The following PFKFB4 variants were observed in gnomAD, a reference collection of about 807,000 sequenced individuals.
PFKFB4 encodes the protein 6-phosphofructo-2-kinase/fructose-2,6-biphosphatase 4, also known as 6-phosphofructo-2-kinase/fructose-2,6-bisphosphatase 4.
PFKFB4 carries 42 observed loss-of-function variants against 62.8 expected under a neutral mutation model. The ratio of observed to expected loss-of-function variants is 0.67; its 90% CI spans 0.52 to 0.86. PFKFB4 has a LOEUF of 0.86. Among genes scored for constraint, PFKFB4 ranks in the 40% least tolerant of loss-of-function variants. PFKFB4 has a pLI of 0.00. For synonymous variants in PFKFB4, 204 were observed against 240.7 expected (o/e 0.85, Z 1.41); for missense variants, 475 against 627.2 (o/e 0.76, Z 2.59).
At chr3:48,549,463 G>A (rs752872805) in intron 3 of PFKFB4, among the ~76,000 whole-genome samples, 7 of 152,042 alleles carry the variant, frequency 4.6e-5, no homozygotes, top group African/African-American at 1.7e-4. Context: ...CCCACGGGGC[G>A]CTGGGGTGAG....
At chr3:48,529,443 C>T (rs1464685093) in intron 9 of PFKFB4, among the ~76,000 whole-genome samples, 2 of 152,138 alleles carry the variant, frequency 1.3e-5, no homozygotes, top group African/African-American at 2.4e-5. Context: ...AATCCACAAG[C>T]ATCTTGGAAA....
chr3:48,561,329 G>C (rs2043431222), upstream of PFKFB4, among the ~76,000 whole-genome samples: 1 of 152,250 alleles, frequency 6.6e-6, no homozygotes, highest in Non-Finnish European at 1.5e-5. The surrounding 1 kb of genome is among the most constrained non-coding windows in gnomAD (Gnocchi z 5.2). Flanking sequence ...GGCCAGTACA[G>C]TCTCCCTCTC....
intron 13 of PFKFB4, among the ~76,000 whole-genome samples, chr3:48,520,008 C>A (rs542258462): frequency 2.4e-4 from 36 of 152,306 alleles, no homozygotes; most frequent in Admixed American, 1.2e-3. Flanking sequence ...GACAATAGAA[C>A]AAAGGTGCGG....
At chr3:48,525,975 A>T (rs1248323923) in intron 9 of PFKFB4, 2 of 190,050 alleles carry the variant, frequency 1.1e-5, no homozygotes, top group Non-Finnish European at 2.1e-5. Flanking sequence ...GTAGGTTGTT[A>T]TGCAAACTAT....
At chr3:48,544,963 A>G (rs911239201) in intron 3 of PFKFB4, among the ~76,000 whole-genome samples, 12 of 152,082 alleles carry the variant, frequency 7.9e-5, no homozygotes, top group Non-Finnish European at 1.8e-4. Context: ...ACTTCAAGTG[A>G]TCTGCCCACT....
intron 1 of PFKFB4, among the ~76,000 whole-genome samples, chr3:48,554,424 C>T (rs1201414116): frequency 6.6e-6 from 1 of 152,204 alleles, no homozygotes; most frequent in Non-Finnish European, 1.5e-5. Context: ...CAGGTCTCAT[C>T]TTTGGCCTCT....
At chr3:48,538,472 C>T (rs1337538706) in intron 7 of PFKFB4, 26 bp downstream of exon 7, 4 of 1,611,866 alleles carry the variant, frequency 2.5e-6, no homozygotes, top group Non-Finnish European at 2.5e-6. Flanking sequence ...ATCACAGCTG[C>T]AGGGCCTGGC....
rs760844604 is a variant in PFKFB4, at chr3:48,519,697, C to T, written c.*50G>A. On this transcript the variant is annotated 3_prime_UTR_variant, in exon 14 of 14. Coordinates refer to ENST00000232375, the MANE Select transcript of PFKFB4 (RefSeq NM_004567.4). ...ACACACTGGAGGGCCTGGAATGACC[C>T]CCTCTGCAGAGAGCAGTGCCTGCCT... 24 of 1,361,914 alleles carry T rather than the reference C, an allele frequency of 1.8e-5. No individual in the cohort carries two copies. In the East Asian group the frequency reaches 4.6e-4, roughly 26 times the overall value. 84.4% of individuals were successfully genotyped at this position (1,361,914 alleles called of 1,614,324 possible).
chr3:48,532,703 T>C (rs2042466142), intron 9 of PFKFB4, among the ~76,000 whole-genome samples: 1 of 152,022 alleles, frequency 6.6e-6, no homozygotes, highest in African/African-American at 2.4e-5. Flanking sequence ...AATAAAAAAA[T>C]TATCTAGGCA....
Position 48,525,653 on chromosome 3 carries a change from A to G in PFKFB4, c.1004T>C (p.Met335Thr). ...ATTATCCTGAATTTCCTCGTAGGTC[A>G]TTTCCTCACAGACGCCCTAGGGAGA... The part of the protein sequence containing the change: ...NEIDAGVCEE[M>T]TYEEIQDNYP... Residue 335 changes from methionine to threonine, a missense_variant, in exon 10 of 14, where the codon ATG becomes ACG. Coordinates refer to ENST00000232375, the MANE Select transcript of PFKFB4 (RefSeq NM_004567.4). The G allele has an allele frequency of 6.2e-7, 1 of 1,604,548 alleles. No homozygotes were observed. The highest frequency in any genetic ancestry group is 2.3e-5 in the East Asian group (1 of 43,968).
At chr3:48,543,007 C>T (rs1214043176) in intron 4 of PFKFB4, among the ~76,000 whole-genome samples, 1 of 152,166 alleles carries the variant, frequency 6.6e-6, no homozygotes, top group African/African-American at 2.4e-5. Flanking sequence ...GGCTGTGCTA[C>T]AGGCACAGAT....
At chr3:48,552,662 G>A (rs1304333318) in intron 1 of PFKFB4, among the ~76,000 whole-genome samples, 1 of 152,230 alleles carries the variant, frequency 6.6e-6, no homozygotes, top group African/African-American at 2.4e-5. Flanking sequence ...CTGCTAAGCA[G>A]GAGGAAATCC....
In PFKFB4 at chr3:48,519,787, G is replaced by A. The variant is rs772395374; in HGVS notation, c.1370C>T (p.Pro457Leu). The change falls in exon 14 of 14, where the codon CCT becomes CTT. Residue 457 changes from proline to leucine, a missense_variant. Pro to Leu is a moderately conservative substitution (Grantham distance 98). Coordinates refer to ENST00000232375, the MANE Select transcript of PFKFB4 (RefSeq NM_004567.4). ...DRPQNVDISR[P>L]PEEALVTVPA... Reference sequence around the variant, plus strand: ...CACCGTGACAAGGGCTTCCTCTGGAGGTCTTGAGATGTCCACGTTCTGTAC... The same window carrying A: ...CACCGTGACAAGGGCTTCCTCTGGAAGTCTTGAGATGTCCACGTTCTGTAC... 1 of 1,613,784 alleles carries A rather than the reference G, an allele frequency of 6.2e-7. No homozygotes were observed. The highest frequency in any genetic ancestry group is 8.5e-7 in the Non-Finnish European group (1 of 1,179,766).
At chr3:48,555,154 C>T (rs2043274562) in intron 1 of PFKFB4, among the ~76,000 whole-genome samples, 1 of 151,854 alleles carries the variant, frequency 6.6e-6, no homozygotes, top group Non-Finnish European at 1.5e-5. Flanking sequence ...ATAACACAGA[C>T]TGGCTCAGCC....
Position 48,549,842 on chromosome 3 carries a change from C to A in PFKFB4, c.311+22G>T, listed in dbSNP as rs138593611. The A allele has an allele frequency of 4.0e-4, 584 of 1,458,938 alleles. 2 individuals carry two copies. Among genetic ancestry groups the A allele is most frequent in the Middle Eastern group, 3.5e-3 (20 of 5,768 alleles). 90.4% of individuals were successfully genotyped at this position (1,458,938 alleles called of 1,614,324 possible). On this transcript the variant is annotated intron_variant, in intron 3 of 13. Coordinates refer to ENST00000232375, the MANE Select transcript of PFKFB4 (RefSeq NM_004567.4). ...TGGGTCCCCCAGCAACCTCTCCCCC[C>A]ACACCCAACACATATACTTACTTCC...
At chr3:48,550,058 C>T (rs1200726746) in intron 2 of PFKFB4, 60 bp downstream of exon 2, 1 of 1,427,246 alleles carries the variant, frequency 7.0e-7, no homozygotes, top group African/African-American at 1.4e-5. Context: ...AATAGGCCTT[C>T]TCTATTCTCT....
intron 4 of PFKFB4, among the ~76,000 whole-genome samples, chr3:48,542,101 C>T (rs981118960): frequency 7.2e-5 from 11 of 152,122 alleles, no homozygotes; most frequent in Admixed American, 3.3e-4. Flanking sequence ...AATCCCAGCA[C>T]TGTGGGAGGC....
At chr3:48,538,968 T>A (rs1020802462) in intron 6 of PFKFB4, among the ~76,000 whole-genome samples, 2 of 152,068 alleles carry the variant, frequency 1.3e-5, no homozygotes, top group African/African-American at 4.8e-5. Context: ...AGTCTTTCTT[T>A]CTCTGAAATA....
intron 3 of PFKFB4, among the ~76,000 whole-genome samples, chr3:48,546,208 CCT>C (rs776903537): frequency 2.4e-4 from 36 of 152,116 alleles, no homozygotes; most frequent in African/African-American, 5.1e-4. Flanking sequence ...GTGCACAACC[CCT>C]GTGTGCGGTA....
Sources: allele counts gnomAD v4.1 joint callset (sites outside exome capture counted in the v4.1 genomes callset), GRCh38; gene constraint gnomAD v4.1.1; non-coding constraint Gnocchi (gnomAD v3.1); transcripts MANE v1.5; gene names NCBI Gene and HGNC (gene_info 2026-07-23, HGNC 2026-07-21).